LRRC49: variants seen among roughly 807,000 people sequenced by gnomAD.
The protein encoded by LRRC49 is leucine rich repeat containing 49.
In LRRC49, 50 loss-of-function variants were observed where a neutral mutation model predicts 83.3. That is an observed-to-expected ratio of 0.60 (90% confidence interval 0.48 to 0.76). The LOEUF (loss-of-function observed/expected upper bound fraction) is 0.76, where lower values mean the gene tolerates loss of function less well. LRRC49 is among the 30% of genes least tolerant of loss of function. LRRC49 has a pLI of 0.00. For synonymous variants in LRRC49, 286 were observed against 283.3 expected (o/e 1.01, Z -0.10); for missense variants, 704 against 809.1 (o/e 0.87, Z 1.58).
At chr15:70,911,965 A>C (rs1375839696) in intron 6 of LRRC49, among the ~76,000 whole-genome samples, 1 of 151,976 alleles carries the variant, frequency 6.6e-6, no homozygotes, top group African/African-American at 2.4e-5. Context: ...CCACTATTTT[A>C]GGTTTCATGC....
intron 2 of LRRC49, among the ~76,000 whole-genome samples, chr15:70,887,056 C>A (rs976858118): frequency 1.3e-5 from 2 of 151,730 alleles, no homozygotes; most frequent in South Asian, 4.1e-4. Flanking sequence ...AATGGATAAA[C>A]AAAATACTAT....
intron 5 of LRRC49, chr15:70,908,771 A>G (rs1228574329): frequency 6.6e-6 from 1 of 152,346 alleles, no homozygotes; most frequent in Non-Finnish European, 1.5e-5. Context: ...ATCATCTTTC[A>G]TTAGTTTTAT....
intron 1 of LRRC49, among the ~76,000 whole-genome samples, chr15:70,864,420 T>C (rs2032867028): frequency 6.6e-6 from 1 of 151,298 alleles, no homozygotes; most frequent in Non-Finnish European, 1.5e-5. Context: ...GGCCCTGGAG[T>C]TCCCAAGGGG....
At chr15:70,921,841 A>T (rs1011964165) in intron 7 of LRRC49, among the ~76,000 whole-genome samples, 1 of 152,206 alleles carries the variant, frequency 6.6e-6, no homozygotes, top group Non-Finnish European at 1.5e-5. Flanking sequence ...AAACAAATGC[A>T]ACCTACTTAC....
At chr15:71,044,619 T>C (rs2039794758) in intron 15 of LRRC49, among the ~76,000 whole-genome samples, 1 of 151,956 alleles carries the variant, frequency 6.6e-6, no homozygotes, top group East Asian at 1.9e-4. Context: ...CAAAGCCACA[T>C]CTTTACAAAA....
chr15:70,910,380 A>G (rs555110510), intron 5 of LRRC49, among the ~76,000 whole-genome samples: 1 of 152,282 alleles, frequency 6.6e-6, no homozygotes, highest in East Asian at 1.9e-4. Context: ...CTACATATAT[A>G]TATCACATAT....
chr15:70,878,969 G>A (rs2033208356), intron 2 of LRRC49, among the ~76,000 whole-genome samples: 1 of 152,180 alleles, frequency 6.6e-6, no homozygotes, highest in Non-Finnish European at 1.5e-5. Flanking sequence ...TCATGAGATG[G>A]GAAGTGTTCT....
At chr15:70,967,076 G>A (rs1379285063) in intron 9 of LRRC49, among the ~76,000 whole-genome samples, 2 of 152,114 alleles carry the variant, frequency 1.3e-5, no homozygotes, top group African/African-American at 4.8e-5. Context: ...TTTAAGGGTG[G>A]TAAAGAAGAA....
At chr15:70,938,581 G>A (rs912170583) in intron 8 of LRRC49, among the ~76,000 whole-genome samples, 7 of 152,240 alleles carry the variant, frequency 4.6e-5, no homozygotes, top group African/African-American at 1.7e-4. Context: ...AAATCAGAGA[G>A]AACAACTTTG....
intron 11 of LRRC49, among the ~76,000 whole-genome samples, chr15:70,995,854 A>G (rs1233719547): frequency 6.6e-6 from 1 of 152,196 alleles, no homozygotes; most frequent in Non-Finnish European, 1.5e-5. Context: ...GTTGTGCCTT[A>G]TGCTTACTGC....
intron 5 of LRRC49, among the ~76,000 whole-genome samples, chr15:70,906,840 T>G (rs747834867): frequency 6.6e-6 from 1 of 152,238 alleles, no homozygotes; most frequent in Non-Finnish European, 1.5e-5. Flanking sequence ...TCCATCTTTT[T>G]TATTTGTTAT....
chr15:70,922,781 A>G (rs931850203), intron 7 of LRRC49, among the ~76,000 whole-genome samples: 1 of 152,110 alleles, frequency 6.6e-6, no homozygotes, highest in Non-Finnish European at 1.5e-5. Context: ...CATGTACCCC[A>G]TAAATACCTA....
chr15:71,009,692 G>T lies in LRRC49; in HGVS notation c.1408-115G>T, dbSNP rs997495194. On this transcript the variant is annotated intron_variant, in intron 12 of 15. Coordinates refer to ENST00000260382, the MANE Select transcript of LRRC49 (RefSeq NM_017691.5). ...ATTTAATGTAATTGAAAACATATTT[G>T]CTAAGCCTAAAGTTTACATATTTAC... 13 of 641,810 alleles carry T rather than the reference G, an allele frequency of 2.0e-5. No individual in the cohort carries two copies. In the African/African-American group the frequency reaches 2.0e-4, roughly 10 times the overall value. 39.8% of individuals were successfully genotyped at this position (641,810 alleles called of 1,614,324 possible).
chr15:70,919,212 T>C lies in LRRC49; in HGVS notation c.711+19T>C. 1 of 1,598,960 alleles carries C rather than the reference T, an allele frequency of 6.3e-7. No homozygotes were observed. The highest frequency in any genetic ancestry group is 8.5e-7 in the Non-Finnish European group (1 of 1,172,978). ...TTTCGTGGTGAGTATTAAAATGGAG[T>C]TGATATGTACTTTGTGGCTTTCTTT... On this transcript the variant is annotated intron_variant, in intron 7 of 15. Coordinates refer to ENST00000260382, the MANE Select transcript of LRRC49 (RefSeq NM_017691.5).
chr15:70,964,169 T>C (rs775334413), intron 9 of LRRC49, among the ~76,000 whole-genome samples: 8 of 152,188 alleles, frequency 5.3e-5, no homozygotes. Context: ...GTGTTTATTT[T>C]TCATTCTTGC....
At chr15:70,871,038 G>C (rs912880689) in intron 1 of LRRC49, among the ~76,000 whole-genome samples, 1 of 151,402 alleles carries the variant, frequency 6.6e-6, no homozygotes. Flanking sequence ...ATAGTGGAGC[G>C]AAGGTCAGCA....
Position 71,051,350 on chromosome 15 carries a change from T to C in LRRC49, c.*1738T>C, listed in dbSNP as rs2039992233. The C allele has an allele frequency of 6.6e-6, 1 of 152,188 alleles. No homozygotes were observed. The highest frequency in any genetic ancestry group is 2.4e-5 in the African/African-American group (1 of 41,422). The allele number at this position is 152,188 out of a possible 1,614,324, so 9.4% of individuals were successfully genotyped here. On this transcript the variant is annotated 3_prime_UTR_variant, in exon 16 of 16. Coordinates refer to ENST00000260382, the MANE Select transcript of LRRC49 (RefSeq NM_017691.5). ...TTTGGCTGTAGGTTGAACAATAGGG[T>C]TGGTGCCCTAGGACAGAGGAGCTAT...
intron 3 of LRRC49, chr15:70,900,394 T>C: frequency 4.5e-6 from 2 of 448,870 alleles, no homozygotes; most frequent in South Asian, 3.2e-5. Flanking sequence ...GAGGTTTACA[T>C]CTGCTATCCA....
At chr15:70,997,409 C>T (rs1596119139) in intron 11 of LRRC49, among the ~76,000 whole-genome samples, 1 of 152,146 alleles carries the variant, frequency 6.6e-6, no homozygotes, top group South Asian at 2.1e-4. Flanking sequence ...CCATTTCATT[C>T]TATTTGTGTC....
Sources: gnomAD v4.1 joint callset for allele counts (sites outside exome capture counted in the v4.1 genomes callset) on GRCh38, gnomAD v4.1.1 for gene constraint, MANE v1.5 for transcripts, NCBI Gene and HGNC (gene_info 2026-07-23, HGNC 2026-07-21) for gene names.